TTC39B: variants seen among roughly 807,000 people sequenced by gnomAD.
TTC39B encodes the protein tetratricopeptide repeat domain 39B, also known as tetratricopeptide repeat protein 39B.
TTC39B carries 92 observed loss-of-function variants against 96.6 expected under a neutral mutation model. The ratio of observed to expected loss-of-function variants is 0.95; its 90% confidence interval spans 0.80 to 1.13. The LOEUF is 1.13. TTC39B is among the 50% of genes most tolerant of loss of function. The pLI is 0.00. For synonymous variants in TTC39B, 367 were observed against 299.4 expected, an observed-to-expected ratio of 1.23 and a Z score of -2.33; for missense variants, 955 against 809.3, an observed-to-expected ratio of 1.18 and a Z score of -2.18.
intron 3 of TTC39B, among the ~76,000 whole-genome samples, chr9:15,217,435 C>A (rs550464299): frequency 4.1e-4 from 62 of 152,178 alleles, no homozygotes; most frequent in Non-Finnish European, 7.8e-4. Flanking sequence ...AGTGGGAGCT[C>A]AGCACCTCCG....
At chr9:15,183,202 G>T in intron 16 of TTC39B, 1 of 293,208 alleles carries the variant, frequency 3.4e-6, no homozygotes, top group Non-Finnish European at 6.7e-6. Flanking sequence ...AAATGAGGAC[G>T]ACACACTCAA....
At position 15,220,471 on chromosome 9, in the gene TTC39B, G is replaced by C. The variant is rs535796059; in HGVS notation, c.371+5446C>G. 1.5e-4 allele frequency among the ~76,000 whole-genome samples: 23 copies of C among 152,280 alleles called. No individual in the cohort carries two copies. In the South Asian group the frequency reaches 4.3e-3, roughly 29 times the overall value. On this transcript the variant is annotated intron_variant, in intron 3 of 19. Coordinates refer to ENST00000512701, the Ensembl canonical transcript of TTC39B. ...ATCTTTGTTTCCTCAGCTATGAAAA[G>C]TATATGAGGATATGACAATATCCAC...
At chr9:15,212,798 G>C (rs557649135) in intron 4 of TTC39B, among the ~76,000 whole-genome samples, 1 of 152,256 alleles carries the variant, frequency 6.6e-6, no homozygotes, top group African/African-American at 2.4e-5. Context: ...TCCATGTTAT[G>C]ACCAGCTGTG....
At chr9:15,240,263 C>T (rs1390912421) in intron 2 of TTC39B, among the ~76,000 whole-genome samples, 3 of 151,900 alleles carry the variant, frequency 2.0e-5, no homozygotes, top group African/African-American at 7.3e-5. Context: ...TTTTTCTCTC[C>T]ACTCTGGCCC....
chr9:15,289,054 CT>C (rs1250142064), intron 1 of TTC39B, among the ~76,000 whole-genome samples: 1 of 152,194 alleles, frequency 6.6e-6, no homozygotes. Context: ...GTGAATGTTC[CT>C]TATCTACCCC....
intron 1 of TTC39B, among the ~76,000 whole-genome samples, chr9:15,299,896 G>T (rs1824523057): frequency 6.6e-6 from 1 of 152,194 alleles, no homozygotes; most frequent in South Asian, 2.1e-4. Flanking sequence ...ACCCAGACTT[G>T]AAGGGAAGGA....
chr9:15,272,624 T>A (rs140461456), intron 1 of TTC39B, among the ~76,000 whole-genome samples: 4 of 152,166 alleles, frequency 2.6e-5, no homozygotes, highest in African/African-American at 9.7e-5. Flanking sequence ...GGCTCCCAAA[T>A]AATACACTGC....
At position 15,234,643 on chromosome 9, in the gene TTC39B, G is replaced by A. The variant is rs961087116; in HGVS notation, c.276-8631C>T. On this transcript the variant is annotated intron_variant, in intron 2 of 19. Coordinates refer to ENST00000512701, the Ensembl canonical transcript of TTC39B. ...TCGGATGGTTGCCGTGTCTGTGTAG[G>A]GAGAAGTAGACATGGGAGACTTTTC... Among the ~76,000 whole-genome samples, 19 of 152,166 alleles carry A rather than the reference G, an allele frequency of 1.2e-4. No individual in the cohort carries two copies. The East Asian group carries it at 2.9e-3, about 23-fold the overall frequency.
intron 6 of TTC39B, among the ~76,000 whole-genome samples, chr9:15,208,765 A>G (rs1031278418): frequency 2.0e-5 from 3 of 152,178 alleles, no homozygotes; most frequent in African/African-American, 7.2e-5. Flanking sequence ...TGCCCCTTTG[A>G]AATAAGTCCC....
chr9:15,223,198 T>C (rs1820942087), intron 3 of TTC39B, among the ~76,000 whole-genome samples: 1 of 152,214 alleles, frequency 6.6e-6, no homozygotes, highest in African/African-American at 2.4e-5. Flanking sequence ...GATCCTTTTG[T>C]GGGAAGATTC....
chr9:15,222,339 C>A (rs1161862962), intron 3 of TTC39B, among the ~76,000 whole-genome samples: 2 of 152,132 alleles, frequency 1.3e-5, no homozygotes, highest in Non-Finnish European at 2.9e-5. Flanking sequence ...GCACACAGCT[C>A]GGTGGTGTTA....
exon 20 of TTC39B, chr9:15,166,984 A>ATATT (rs1817530932): frequency 1.7e-4 from 1 of 5,844 alleles, no homozygotes; most frequent in African/African-American, 7.3e-4. Context: ...CCTTTATTTT[A>ATATT]TATATATATA....
chr9:15,261,863 C>A (rs890072667), intron 2 of TTC39B, among the ~76,000 whole-genome samples: 1 of 152,158 alleles, frequency 6.6e-6, no homozygotes, highest in African/African-American at 2.4e-5. Context: ...TCAGAGATGG[C>A]AACTGGGCAC....
At chr9:15,267,781 GAA>G (rs1823189824) in intron 2 of TTC39B, 131 bp downstream of exon 2, 1 of 692,186 alleles carries the variant, frequency 1.4e-6, no homozygotes, top group Non-Finnish European at 2.4e-6. Context: ...TTTAATTATA[GAA>G]AAGTGACTTT....
chr9:15,188,252 T>G, intron 13 of TTC39B, 120 bp from the exon 14 acceptor site: 1 of 930,638 alleles, frequency 1.1e-6, no homozygotes, highest in Non-Finnish European at 1.6e-6. Context: ...ATTAAACCTC[T>G]CAATATGATG....
At chr9:15,187,835 A>C in intron 14 of TTC39B, 136 bp downstream of exon 14, 1 of 908,662 alleles carries the variant, frequency 1.1e-6, no homozygotes, top group Middle Eastern at 2.8e-4. Context: ...TACTTAAGGC[A>C]CATTTCCTCC....
At chr9:15,303,449 C>T (rs1304355398) in intron 1 of TTC39B, among the ~76,000 whole-genome samples, 1 of 150,710 alleles carries the variant, frequency 6.6e-6, no homozygotes, top group Non-Finnish European at 1.5e-5. Flanking sequence ...GAGTTCACTG[C>T]AGCCTCAACC....
chr9:15,283,021 C>G (rs1472814277), intron 1 of TTC39B, among the ~76,000 whole-genome samples: 1 of 152,134 alleles, frequency 6.6e-6, no homozygotes, highest in African/African-American at 2.4e-5. Context: ...AAATTAGGTA[C>G]AACTATTTGT....
At chr9:15,168,419 C>CAAAAAAAAAA (rs58738481) in exon 20 of TTC39B, 2 of 128,142 alleles carry the variant, frequency 1.6e-5, no homozygotes, top group African/African-American at 2.9e-5. Context: ...AGTATAAATA[C>CAAAAAAAAAA]AAAAAAAAAA....
Sources: allele counts gnomAD v4.1 joint callset (sites outside exome capture counted in the v4.1 genomes callset), GRCh38; gene constraint gnomAD v4.1.1; transcripts MANE v1.5; gene names NCBI Gene and HGNC (gene_info 2026-07-23, HGNC 2026-07-21).